Variants in THTPA observed in about 807,000 individuals in gnomAD.
THTPA encodes thiamine-triphosphatase.
THTPA carries 16 observed loss-of-function variants against 16.5 expected under a neutral mutation model. The observed-to-expected ratio is 0.97, with a 90% CI of 0.66 to 1.47. The LOEUF (loss-of-function observed/expected upper bound fraction) is 1.47. THTPA is among the 40% of genes most tolerant of loss of function. The pLI is 0.00. For missense variants in THTPA, 281 were observed against 280.9 expected, an observed-to-expected ratio of 1.00 and a Z score of 0.00; for synonymous variants, 110 against 115.5, an observed-to-expected ratio of 0.95 and a Z score of 0.30.
chr14:23,522,388 C>G, the THTPA span: 1 of 1,536,348 alleles, frequency 6.5e-7, no homozygotes, highest in Non-Finnish European at 8.7e-7. Context: ...GCTCATCAAC[C>G]TCACCAGCTT....
chr14:23,528,339 G>A, the THTPA span, among the ~76,000 whole-genome samples: 1 of 152,138 alleles, frequency 6.6e-6, no homozygotes, highest in Non-Finnish European at 1.5e-5. Flanking sequence ...AGCTTAGGCC[G>A]CTACCTTGCA....
the THTPA span, chr14:23,511,929 C>T: frequency 6.6e-6 from 1 of 152,202 alleles, no homozygotes; most frequent in Non-Finnish European, 1.5e-5. Flanking sequence ...CTATTCTCCT[C>T]CTTCCCCCGC....
the THTPA span, chr14:23,526,625 A>G: frequency 2.9e-5 from 44 of 1,535,834 alleles, no homozygotes; most frequent in Non-Finnish European, 3.8e-5. Context: ...AACTGAGGCC[A>G]GGGGAGGCTC....
the THTPA span, chr14:23,524,109 G>A: frequency 2.0e-5 from 31 of 1,534,954 alleles, no homozygotes; most frequent in Middle Eastern, 1.2e-3. This position sits in a 1 kb window ranked among gnomAD's most constrained non-coding sequence, Gnocchi z 5.6. Context: ...CCTAATAAGA[G>A]GTTGAACTTG....
chr14:23,535,435 G>C, the THTPA span: 3 of 1,330,772 alleles, frequency 2.3e-6, no homozygotes, highest in Non-Finnish European at 2.9e-6. The surrounding 1 kb of genome is among the most constrained non-coding windows in gnomAD (Gnocchi z 4.5). Flanking sequence ...CTGGGCAGCT[G>C]GATCTCTGGA....
At chr14:23,537,593 G>A in the THTPA span, among the ~76,000 whole-genome samples, 1 of 152,170 alleles carries the variant, frequency 6.6e-6, no homozygotes, top group Non-Finnish European at 1.5e-5. Context: ...AGTGGGATTA[G>A]CATGGTAATG....
the THTPA span, chr14:23,530,912 C>T: frequency 1.5e-4 from 31 of 201,546 alleles, no homozygotes; most frequent in African/African-American, 5.2e-4. Flanking sequence ...GGCTCTTCTC[C>T]TGTACCCTCT....
At chr14:23,555,094 T>G (rs1882252462), upstream of THTPA, among the ~76,000 whole-genome samples, 1 of 152,140 alleles carries the variant, frequency 6.6e-6, no homozygotes, top group Non-Finnish European at 1.5e-5. Context: ...TTCAAGCAAT[T>G]CTCATGCCTC....
At chr14:23,550,176 GGACA>G in the THTPA span, among the ~76,000 whole-genome samples, 1 of 152,194 alleles carries the variant, frequency 6.6e-6, no homozygotes, top group African/African-American at 2.4e-5. Context: ...ATGGCAAAGG[GGACA>G]GTCAACAATG....
chr14:23,550,607 G>A, the THTPA span, among the ~76,000 whole-genome samples: 1 of 152,156 alleles, frequency 6.6e-6, no homozygotes, highest in East Asian at 1.9e-4. Context: ...GGGGCTACAG[G>A]CACAGCGAGG....
chr14:23,524,908 A>G, the THTPA span: 1 of 1,536,276 alleles, frequency 6.5e-7, no homozygotes, highest in Non-Finnish European at 8.7e-7. The surrounding 1 kb of genome is among the most constrained non-coding windows in gnomAD (Gnocchi z 5.6). Flanking sequence ...CACAGGAGAA[A>G]GTGGCGTGGC....
At chr14:23,544,997 G>A in the THTPA span, among the ~76,000 whole-genome samples, 1,221 of 150,898 alleles carry the variant, frequency 8.1e-3, 6 homozygotes, top group Middle Eastern at 0.027. Flanking sequence ...TTCTCTCTTC[G>A]ATTCTGGGCT....
In THTPA at chr14:23,559,279, A is replaced by G; in HGVS notation, c.*439A>G. 1 of 215,712 alleles carries G rather than the reference A, an allele frequency of 4.6e-6. No individual in the cohort carries two copies. Among genetic ancestry groups the G allele is most frequent in the Non-Finnish European group, 9.4e-6 (1 of 105,936 alleles). 13.4% of individuals were successfully genotyped at this position (215,712 alleles called of 1,614,324 possible). A position where few individuals can be genotyped will look rare whatever the true frequency, so the allele number is the denominator to read the frequency against. ...CCTTGGGATGTGGGAAACAGAAGAA[A>G]AGTTGAGGAAATGGTTGGGAATCGC... On this transcript the variant is annotated 3_prime_UTR_variant, in exon 2 of 2. Coordinates refer to ENST00000288014, the MANE Select transcript of THTPA (RefSeq NM_024328.6).
chr14:23,533,659 G>C, the THTPA span: 1 of 1,537,412 alleles, frequency 6.5e-7, no homozygotes. This position sits in a 1 kb window ranked among gnomAD's most constrained non-coding sequence, Gnocchi z 4.8. Flanking sequence ...TCCCGCGGAG[G>C]GTGGGAGTGA....
chr14:23,534,383 C>T, the THTPA span: 1 of 1,536,830 alleles, frequency 6.5e-7, no homozygotes, highest in Admixed American at 2.0e-5. The surrounding 1 kb of genome is among the most constrained non-coding windows in gnomAD (Gnocchi z 4.5). Flanking sequence ...ACATTCGCCT[C>T]CATGTTCACT....
chr14:23,545,131 T>A, the THTPA span, among the ~76,000 whole-genome samples: 2 of 149,122 alleles, frequency 1.3e-5, no homozygotes, highest in African/African-American at 4.9e-5. Flanking sequence ...GTTCCTCCCC[T>A]CCCCCACATT....
intron 1 of THTPA, 64 bp from the exon 2 acceptor site, chr14:23,558,631 G>T: frequency 6.2e-7 from 1 of 1,600,356 alleles, no homozygotes; most frequent in South Asian, 1.1e-5. Flanking sequence ...TAGGTGGGCA[G>T]GGAGCAGAGT....
upstream of THTPA, among the ~76,000 whole-genome samples, chr14:23,554,540 C>A (rs1203332407): frequency 6.8e-6 from 1 of 146,614 alleles, no homozygotes; most frequent in African/African-American, 2.7e-5. Context: ...CCACACCCGG[C>A]TAATTAAAAT....
chr14:23,535,031 C>G, the THTPA span: 3,401 of 1,536,194 alleles, frequency 2.2e-3, 53 homozygotes, highest in African/African-American at 0.039. The surrounding 1 kb of genome is among the most constrained non-coding windows in gnomAD (Gnocchi z 4.5). Flanking sequence ...TCTTCCTCCT[C>G]CTGCTCCTTG....
Sources: gnomAD v4.1 joint callset for allele counts (sites outside exome capture counted in the v4.1 genomes callset) on GRCh38, gnomAD v4.1.1 for gene constraint, Gnocchi (gnomAD v3.1) non-coding constraint, MANE v1.5 for transcripts, NCBI Gene and HGNC (gene_info 2026-07-23, HGNC 2026-07-21) for gene names.